Variants in FANCE observed in about 807,000 individuals in gnomAD.
FANCE encodes Fanconi anemia group E protein.
FANCE carries 42 observed loss-of-function variants against 57.8 expected under a neutral mutation model. That is an observed-to-expected ratio of 0.73 (90% confidence interval 0.57 to 0.94). The LOEUF (loss-of-function observed/expected upper bound fraction) is 0.94, where lower values mean the gene tolerates loss of function less well. Among genes scored for constraint, FANCE ranks in the 40% least tolerant of loss-of-function variants. The pLI, the probability that FANCE is intolerant of heterozygous loss-of-function variation, is 0.00. For missense variants in FANCE, 608 were observed against 661.8 expected (o/e 0.92, Z 0.89); for synonymous variants, 251 against 286.4 (o/e 0.88, Z 1.25).
chr6:35,458,019 A>G, intron 4 of FANCE, 35 bp downstream of exon 4: 3 of 1,562,886 alleles, frequency 1.9e-6, no homozygotes, highest in Non-Finnish European at 2.6e-6. Flanking sequence ...CTGAGGTTAC[A>G]TTCTCTGTCC....
At chr6:35,464,144 A>T (rs1327034956) in intron 9 of FANCE, among the ~76,000 whole-genome samples, 2 of 151,934 alleles carry the variant, frequency 1.3e-5, no homozygotes, top group African/African-American at 2.4e-5. Flanking sequence ...GAGCTAAAGT[A>T]CTAAGAGCTA....
rs45607833 is a variant in FANCE, at chr6:35,454,519, G to A, written c.249-1228G>A. On this transcript the variant is annotated intron_variant, in intron 1 of 9. Transcript: ENST00000229769. ...ATTATGCATAGGGAGGAGTAGAGAC[G>A]TGAGGGGTGGTGGGCTAGATGCTGC... 2.4e-3 allele frequency among the ~76,000 whole-genome samples: 373 copies of A among 152,268 alleles called. 1 individual carries two copies. The highest frequency in any genetic ancestry group is 8.3e-3 in the African/African-American group (346 of 41,542).
intron 1 of FANCE, among the ~76,000 whole-genome samples, chr6:35,454,387 CTA>C (rs1467281027): frequency 6.6e-6 from 1 of 152,182 alleles, no homozygotes; most frequent in African/African-American, 2.4e-5. Context: ...AACTTTGACT[CTA>C]GTTTTTCTCT....
rs145023621 is a variant in FANCE at position 35,457,933 on chromosome 6, G to A, written c.918G>A (p.Glu306=). The A allele has an allele frequency of 1.2e-6, 2 of 1,614,024 alleles. No individual in the cohort carries two copies. The highest frequency in any genetic ancestry group is 2.7e-5 in the African/African-American group (2 of 74,908). ...KTLEEGLEGL[E]DAPPVELQLL... ...CTCCCCAGGGGTTAGAGGGATTGGA[G>A]GATGCCCCCCCAGTTGAGCTACAGC... The change falls in exon 4 of 10, where the codon GAG becomes GAA. Residue 306 remains glutamate (E), a synonymous_variant. Transcript: ENST00000229769.
At chr6:35,463,652 G>A (rs1045340286) in intron 9 of FANCE, among the ~76,000 whole-genome samples, 2 of 151,114 alleles carry the variant, frequency 1.3e-5, no homozygotes, top group South Asian at 2.1e-4. Context: ...GAATTGGGAC[G>A]GGCTTCCTGA....
chr6:35,455,368 C>T (rs1561788556), intron 1 of FANCE, among the ~76,000 whole-genome samples: 1 of 151,796 alleles, frequency 6.6e-6, no homozygotes, highest in Non-Finnish European at 1.5e-5. Context: ...AGTGCAGTGG[C>T]ATGATCTCGG....
chr6:35,465,387 G>C (rs1364468568), intron 9 of FANCE, among the ~76,000 whole-genome samples: 1 of 152,060 alleles, frequency 6.6e-6, no homozygotes, highest in Non-Finnish European at 1.5e-5. Flanking sequence ...ATGTTGGCCA[G>C]GCTGGTCTCC....
intron 1 of FANCE, among the ~76,000 whole-genome samples, chr6:35,455,060 T>C (rs1307988786): frequency 6.6e-6 from 1 of 152,164 alleles, no homozygotes; most frequent in African/African-American, 2.4e-5. Flanking sequence ...AGGGCAGCCA[T>C]AGGGCTGCAA....
chr6:35,453,353 T>C (rs1180756206), intron 1 of FANCE, among the ~76,000 whole-genome samples: 1 of 152,178 alleles, frequency 6.6e-6, no homozygotes, highest in African/African-American at 2.4e-5. Context: ...GGATTCCTAC[T>C]AGGAGCAGAG....
chr6:35,461,922 C>T (rs539327707), intron 8 of FANCE, among the ~76,000 whole-genome samples: 119 of 152,088 alleles, frequency 7.8e-4, no homozygotes, highest in African/African-American at 2.8e-3. Flanking sequence ...GCTGGGATTA[C>T]AGGCGTGAGC....
chr6:35,466,043 G>T (rs372809891), intron 9 of FANCE, among the ~76,000 whole-genome samples: 3 of 152,164 alleles, frequency 2.0e-5, no homozygotes, highest in Non-Finnish European at 4.4e-5. Flanking sequence ...TAATGTGGCC[G>T]GCTTAGTAAA....
rs1019486578 is a variant in FANCE, at chr6:35,452,562, C to T, written c.17C>T (p.Ala6Val). The change falls in exon 1 of 10, where the codon GCG (alanine) becomes GTG (valine). Residue 6 changes from alanine to valine, a missense_variant. Ala to Val is a moderately conservative substitution (Grantham distance 64). Transcript: ENST00000229769. ...TGCCCCGGCATGGCGACACCGGACG[C>T]GGGGCTCCCTGGGGCTGAGGGCGTG... MATPD[A>V]GLPGAEGVEP... 76 of 1,329,552 alleles carry T rather than the reference C, an allele frequency of 5.7e-5. No individual in the cohort carries two copies. Among genetic ancestry groups the T allele is most frequent in the Non-Finnish European group, 7.0e-5 (73 of 1,035,524 alleles). 82.4% of individuals were successfully genotyped at this position (1,329,552 alleles called of 1,614,324 possible).
rs1294205170 is a variant in FANCE, at chr6:35,456,098, C to T, written c.600C>T (p.Arg200=). 2 of 1,614,000 alleles carry T rather than the reference C, an allele frequency of 1.2e-6. No individual in the cohort carries two copies. The highest frequency in any genetic ancestry group is 1.7e-6 in the Non-Finnish European group (2 of 1,180,004). The change falls in exon 2 of 10, where the codon CGC becomes CGT. Residue 200 remains arginine, a synonymous_variant. Transcript: ENST00000229769. The surrounding 1 kb of genome is among the most constrained non-coding windows in gnomAD (Gnocchi z 4.3). ...ENRDSQQPGK[R]RKDSEEEAAS... is the part of the protein sequence containing the mutation. Reference sequence around the variant, plus strand: ...GGGACTCCCAGCAGCCTGGGAAACGCAGAAAGGACTCAGAGGAAGAGGCTG... The same window carrying T: ...GGGACTCCCAGCAGCCTGGGAAACGTAGAAAGGACTCAGAGGAAGAGGCTG...
rs754177084 is a variant in FANCE at position 35,455,847 on chromosome 6, G to A, written c.349G>A (p.Val117Met). 6 of 1,614,204 alleles carry A rather than the reference G, an allele frequency of 3.7e-6. No homozygotes were observed. The South Asian group carries it at 6.6e-5, about 18-fold the overall frequency. ...PSLPESGLLS[V>M]LQIAQQDLAP... The stretch of plus-strand genomic sequence containing the variant: ...GCTGCCGGAAAGTGGGCTCCTCTCT[G>A]TGCTGCAGATTGCCCAGCAGGACCT... The change falls in exon 2 of 10, where the codon GTG (valine) becomes ATG (methionine). Residue 117 changes from valine to methionine, a missense_variant. By Grantham distance (21) the Val-to-Met change is conservative. Coordinates refer to ENST00000229769, the MANE Select transcript of FANCE (RefSeq NM_021922.3).
rs1767343315 is a variant in FANCE, at chr6:35,456,321, G to C, written c.823G>C (p.Ala275Pro). The C allele has an allele frequency of 6.2e-7, 1 of 1,614,060 alleles. No homozygotes were observed. Among genetic ancestry groups the C allele is most frequent in the Admixed American group, 1.7e-5 (1 of 60,008 alleles). The change falls in exon 2 of 10, where the codon GCT (alanine) becomes CCT (proline). Residue 275 changes from alanine (A) to proline (P), a missense_variant. Ala to Pro is a conservative substitution (Grantham distance 27, BLOSUM62 -1). Coordinates refer to ENST00000229769, the MANE Select transcript of FANCE (RefSeq NM_021922.3). The surrounding 1 kb of genome is among the most constrained non-coding windows in gnomAD (Gnocchi z 4.3). Reference protein sequence around the residue: ...GSNLDDAKGLAESLELPKAIQ... With the variant: ...GSNLDDAKGLPESLELPKAIQ... Reference sequence around the variant, plus strand: ...GAATCTGGATGATGCTAAAGGTCTGGCTGAGAGTTTGGAGTTGCCCAAAGC... The same window carrying C: ...GAATCTGGATGATGCTAAAGGTCTGCCTGAGAGTTTGGAGTTGCCCAAAGC...
intron 4 of FANCE, 26 bp from the exon 5 acceptor site, chr6:35,458,271 T>C (rs192832780): frequency 1.2e-6 from 2 of 1,612,348 alleles, no homozygotes. Flanking sequence ...CCCGGTGTCC[T>C]CTCTCCCCCC....
At chr6:35,460,710 A>C in intron 8 of FANCE, 92 bp downstream of exon 8, 1 of 1,169,246 alleles carries the variant, frequency 8.6e-7, no homozygotes, top group Non-Finnish European at 1.3e-6. Flanking sequence ...CCTTCAGTGC[A>C]TGGAGGGTCA....
chr6:35,466,274 AT>A lies in FANCE; in HGVS notation c.1541del (p.Met514ArgfsTer3). 1.9e-6 allele frequency: 3 copies of A among 1,613,470 alleles called. No homozygotes were observed. The highest frequency in any genetic ancestry group is 2.5e-6 in the Non-Finnish European group (3 of 1,179,410). ...TGAGACCCAGAGGCTGGGCCTGGCT[AT>A]GGCCCTAGAACCTAACACCACCTTC... is the stretch of plus-strand genomic sequence containing the variant. ...ITETQRLGLA[M>X]ALEPNTTFLR... On this transcript the variant is annotated frameshift_variant, in exon 10 of 10. Transcript: ENST00000229769. LOFTEE classifies it high-confidence loss of function.
intron 5 of FANCE, 92 bp downstream of exon 5, chr6:35,458,532 C>G (rs1767447425): frequency 6.6e-7 from 1 of 1,509,634 alleles, no homozygotes; most frequent in African/African-American, 1.4e-5. Flanking sequence ...AGGGGATTCC[C>G]AGCCTTGTAG....
Sources: allele counts gnomAD v4.1 joint callset (sites outside exome capture counted in the v4.1 genomes callset), GRCh38; gene constraint gnomAD v4.1.1; non-coding constraint Gnocchi (gnomAD v3.1); transcripts MANE v1.5; gene names NCBI Gene and HGNC (gene_info 2026-07-23, HGNC 2026-07-21).